C16orf74: variants seen among roughly 807,000 people sequenced by gnomAD.
The protein encoded by C16orf74 is calcimembrin.
In C16orf74, 10 loss-of-function variants were observed where a neutral mutation model predicts 6.5. That is an observed-to-expected ratio of 1.54 (90% CI 0.95 to 2.61). The LOEUF is 2.61. Ranked by LOEUF, C16orf74 falls within the 30% of genes most tolerant of loss-of-function variation. C16orf74 has a pLI of 0.00. For missense variants in C16orf74, 141 were observed against 105.9 expected (o/e 1.33, Z -1.45); for synonymous variants, 60 against 42.5 (o/e 1.41, Z -1.60).
At chr16:85,726,853 G>A (rs556554558) in intron 2 of C16orf74, among the ~76,000 whole-genome samples, 2 of 152,204 alleles carry the variant, frequency 1.3e-5, no homozygotes, top group Non-Finnish European at 2.9e-5. Context: ...TGCACGCCAG[G>A]CTGCTGCTTG....
At chr16:85,723,404 T>C (rs1449150331) in intron 2 of C16orf74, among the ~76,000 whole-genome samples, 1 of 135,062 alleles carries the variant, frequency 7.4e-6, no homozygotes, top group African/African-American at 2.7e-5. Context: ...CCATCTGTAC[T>C]AAAAAAAAAA....
At chr16:85,708,097 G>A (rs758969667) in intron 3 of C16orf74, 31 bp from the exon 4 acceptor site, 31 of 1,531,530 alleles carry the variant, frequency 2.0e-5, no homozygotes, top group Non-Finnish European at 2.7e-5. Flanking sequence ...ACACCTGGAT[G>A]CACCCTGCCC....
At chr16:85,710,523 G>A (rs140423977) in intron 2 of C16orf74, 14 of 505,910 alleles carry the variant, frequency 2.8e-5, no homozygotes, top group African/African-American at 1.4e-4. Context: ...ACCATGAGTC[G>A]GGAAACAGAT....
intron 2 of C16orf74, among the ~76,000 whole-genome samples, chr16:85,725,205 C>A (rs537316471): frequency 4.2e-4 from 64 of 152,278 alleles, no homozygotes; most frequent in Admixed American, 1.0e-3. Context: ...TGCCCTGAGC[C>A]GAAGGGAGGC....
intron 2 of C16orf74, among the ~76,000 whole-genome samples, chr16:85,716,015 G>A (rs386864): frequency 2.0e-5 from 3 of 151,738 alleles, no homozygotes; most frequent in Admixed American, 2.0e-4. Flanking sequence ...GCTGATGATC[G>A]GAGGCCCCCG....
chr16:85,719,537 A>G (rs1021712160), intron 2 of C16orf74, among the ~76,000 whole-genome samples: 1 of 152,104 alleles, frequency 6.6e-6, no homozygotes, highest in African/African-American at 2.4e-5. Flanking sequence ...GGCACAGAGA[A>G]GTCAGGGCAC....
intron 2 of C16orf74, among the ~76,000 whole-genome samples, chr16:85,714,228 G>A (rs749610477): frequency 5.3e-5 from 8 of 151,988 alleles, no homozygotes; most frequent in Non-Finnish European, 1.2e-4. Context: ...AGGTGACCAT[G>A]ATGAGCCCCC....
chr16:85,720,284 G>A (rs941559886), intron 2 of C16orf74, among the ~76,000 whole-genome samples: 5 of 152,208 alleles, frequency 3.3e-5, no homozygotes, highest in African/African-American at 1.2e-4. Context: ...ACACACCAAG[G>A]TGGGGGAAGG....
intron 2 of C16orf74, among the ~76,000 whole-genome samples, chr16:85,732,236 C>T (rs560061590): frequency 2.0e-5 from 3 of 152,336 alleles, no homozygotes; most frequent in East Asian, 1.9e-4. Context: ...GGATGTCACA[C>T]CTCTGGCCTC....
chr16:85,751,019 G>C lies in C16orf74; in HGVS notation c.-112C>G, dbSNP rs1244361320. The C allele has an allele frequency of 9.4e-5, 14 of 149,526 alleles. No individual in the cohort carries two copies. The highest frequency in any genetic ancestry group is 2.9e-4 in the African/African-American group (12 of 41,110). 9.3% of individuals were successfully genotyped at this position (149,526 alleles called of 1,614,324 possible). A position where few individuals can be genotyped will look rare whatever the true frequency, so the allele number is the denominator to read the frequency against. ...GGTGGTGGCGGCGGCGGTCGGGCTC[G>C]GGGGGCCGCGGCGACGAGCCTGCAA... On this transcript the variant is annotated 5_prime_UTR_variant, in exon 1 of 4. Coordinates refer to ENST00000284245, the MANE Select transcript of C16orf74 (RefSeq NM_206967.3).
chr16:85,724,336 G>C (rs1212981032), intron 2 of C16orf74, among the ~76,000 whole-genome samples: 3 of 152,176 alleles, frequency 2.0e-5, no homozygotes, highest in Non-Finnish European at 4.4e-5. Flanking sequence ...AGAGCACGTG[G>C]TGCAGGCCAG....
chr16:85,728,639 C>T (rs1321016810), intron 2 of C16orf74, among the ~76,000 whole-genome samples: 3 of 152,202 alleles, frequency 2.0e-5, no homozygotes, highest in African/African-American at 7.2e-5. Context: ...CCTGCAGAGG[C>T]CCCCGCACAC....
chr16:85,740,226 A>T (rs990452350), intron 1 of C16orf74, among the ~76,000 whole-genome samples: 1 of 147,040 alleles, frequency 6.8e-6, no homozygotes, highest in African/African-American at 2.6e-5. Flanking sequence ...AAAAAAAAAA[A>T]AAAAGAAAAA....
At chr16:85,749,395 C>G (rs985081789) in intron 1 of C16orf74, among the ~76,000 whole-genome samples, 10 of 152,312 alleles carry the variant, frequency 6.6e-5, no homozygotes, top group African/African-American at 2.2e-4. Flanking sequence ...AAGGAAACCT[C>G]CCGTCTCAGC....
intron 1 of C16orf74, among the ~76,000 whole-genome samples, chr16:85,739,981 G>A (rs761208306): frequency 4.9e-4 from 75 of 151,788 alleles, no homozygotes; most frequent in African/African-American, 1.7e-3. Context: ...AGGCCGAGGC[G>A]GGTGGATCGC....
At chr16:85,715,425 G>A (rs547241835) in intron 2 of C16orf74, among the ~76,000 whole-genome samples, 1 of 152,284 alleles carries the variant, frequency 6.6e-6, no homozygotes, top group South Asian at 2.1e-4. Context: ...ACCCACAACT[G>A]AACAGCTAGT....
intron 1 of C16orf74, among the ~76,000 whole-genome samples, chr16:85,743,864 T>C (rs1231267527): frequency 1.3e-5 from 2 of 152,002 alleles, no homozygotes; most frequent in Admixed American, 1.3e-4. Context: ...CAATCCTGGC[T>C]AACACAGTGA....
rs189272665 is a variant in C16orf74, at chr16:85,740,306, G to C, written c.-18-5071C>G. On this transcript the variant is annotated intron_variant, in intron 1 of 3. Coordinates refer to ENST00000284245, the MANE Select transcript of C16orf74 (RefSeq NM_206967.3). ...TGGTGGCTCACGCCTTGTAATCCTA[G>C]CACTTTGGGAGGCTGAGGAGGGCAG... 2.0e-5 allele frequency among the ~76,000 whole-genome samples: 3 copies of C among 149,856 alleles called. No individual in the cohort carries two copies. In the Admixed American group the frequency reaches 2.0e-4, roughly 10 times the overall value.
chr16:85,748,259 G>C (rs1290658306), intron 1 of C16orf74, among the ~76,000 whole-genome samples: 2 of 151,752 alleles, frequency 1.3e-5, no homozygotes, highest in Non-Finnish European at 2.9e-5. Flanking sequence ...ATGGCTTTTG[G>C]GTCATAGGAG....
Sources: gnomAD v4.1 joint callset for allele counts (sites outside exome capture counted in the v4.1 genomes callset) on GRCh38, gnomAD v4.1.1 for gene constraint, MANE v1.5 for transcripts, NCBI Gene and HGNC (gene_info 2026-07-23, HGNC 2026-07-21) for gene names.